Variants in CDH18 observed in about 807,000 individuals in gnomAD.
The protein encoded by CDH18 is cadherin-18.
In CDH18, 31 loss-of-function variants were observed where a neutral mutation model predicts 67.9. The ratio of observed to expected loss-of-function variants is 0.46; its 90% CI spans 0.34 to 0.62. The LOEUF is 0.62. Among genes scored for constraint, CDH18 ranks in the 20% least tolerant of loss-of-function variants. CDH18 has a pLI of 0.01. For missense variants in CDH18, 890 were observed against 975.5 expected (o/e 0.91, Z 1.17); for synonymous variants, 362 against 347.2 (o/e 1.04, Z -0.48).
chr5:19,576,382 C>A (rs1331076301), intron 7 of CDH18, among the ~76,000 whole-genome samples: 1 of 146,568 alleles, frequency 6.8e-6, no homozygotes, highest in African/African-American at 2.6e-5. Context: ...TGAAGGAACT[C>A]AAACTACTCA....
intron 2 of CDH18, among the ~76,000 whole-genome samples, chr5:19,865,977 G>A (rs1422556993): frequency 2.0e-5 from 3 of 152,112 alleles, no homozygotes; most frequent in African/African-American, 4.8e-5. Flanking sequence ...TATCTAACAC[G>A]ATGCCTCCAC....
At chr5:19,673,594 C>A (rs1313431316) in intron 5 of CDH18, among the ~76,000 whole-genome samples, 1 of 152,010 alleles carries the variant, frequency 6.6e-6, no homozygotes, top group East Asian at 1.9e-4. Flanking sequence ...CCAACTATCT[C>A]TATAAAATGT....
At chr5:20,353,266 G>C (rs776931546) in intron 1 of CDH18, among the ~76,000 whole-genome samples, 4 of 152,118 alleles carry the variant, frequency 2.6e-5, no homozygotes, top group Non-Finnish European at 4.4e-5. Context: ...AAGTGTGTGT[G>C]TGTTCAATAT....
chr5:20,015,351 C>A (rs1737790340), intron 2 of CDH18, among the ~76,000 whole-genome samples: 1 of 152,042 alleles, frequency 6.6e-6, no homozygotes, highest in Admixed American at 6.6e-5. Context: ...CATGGTCCAC[C>A]TATCAGAAAA....
chr5:19,509,190 A>G (rs1744724445), intron 10 of CDH18, among the ~76,000 whole-genome samples: 1 of 152,048 alleles, frequency 6.6e-6, no homozygotes, highest in South Asian at 2.1e-4. Flanking sequence ...TAACTCAGAA[A>G]TAGAAAACCA....
At chr5:19,817,380 G>A (rs76215755) in intron 3 of CDH18, among the ~76,000 whole-genome samples, 5,501 of 151,946 alleles carry the variant, frequency 0.036, 336 homozygotes, top group African/African-American at 0.13. Context: ...CTCTCCTACA[G>A]ATATACCAAT....
intron 1 of CDH18, among the ~76,000 whole-genome samples, chr5:20,322,540 A>G (rs1738138474): frequency 6.6e-6 from 1 of 152,102 alleles, no homozygotes; most frequent in African/African-American, 2.4e-5. Flanking sequence ...ACATGTTAAC[A>G]ACATCATTGT....
At chr5:19,949,887 C>T (rs113948285) in intron 2 of CDH18, among the ~76,000 whole-genome samples, 4 of 151,816 alleles carry the variant, frequency 2.6e-5, no homozygotes, top group African/African-American at 7.2e-5. Context: ...CACTTGCATG[C>T]GTGTGTTTAA....
At chr5:20,452,856 A>T (rs1750559197) in intron 1 of CDH18, among the ~76,000 whole-genome samples, 1 of 152,200 alleles carries the variant, frequency 6.6e-6, no homozygotes, top group South Asian at 2.1e-4. Flanking sequence ...GACAATGTAT[A>T]TGTAAAAAGC....
At chr5:20,514,062 T>C (rs1335483012) in intron 1 of CDH18, among the ~76,000 whole-genome samples, 2 of 152,228 alleles carry the variant, frequency 1.3e-5, no homozygotes, top group South Asian at 2.1e-4. Context: ...TTCCACACTG[T>C]AAGGTAGGTA....
intron 2 of CDH18, among the ~76,000 whole-genome samples, chr5:20,068,267 G>A (rs182095979): frequency 6.6e-6 from 1 of 152,018 alleles, no homozygotes; most frequent in East Asian, 1.9e-4. Context: ...GTACAATATC[G>A]CACAGATATT....
chr5:19,492,526 C>A (rs1452810654), intron 11 of CDH18, among the ~76,000 whole-genome samples: 1 of 151,968 alleles, frequency 6.6e-6, no homozygotes, highest in African/African-American at 2.4e-5. Context: ...AAGTTGACAT[C>A]ACAACTTAAA....
chr5:19,890,421 T>C (rs966351849), intron 2 of CDH18, among the ~76,000 whole-genome samples: 1 of 152,068 alleles, frequency 6.6e-6, no homozygotes, highest in African/African-American at 2.4e-5. Flanking sequence ...GTGGAAATCT[T>C]TGGGGGACTA....
intron 1 of CDH18, among the ~76,000 whole-genome samples, chr5:20,387,251 GGTTTGTA>G (rs1744386416): frequency 6.6e-6 from 1 of 152,116 alleles, no homozygotes; most frequent in African/African-American, 2.4e-5. Context: ...ATTGAGCAGT[GGTTTGTA>G]GTTCTCCTTG....
At chr5:20,379,167 T>C (rs1743703254) in intron 1 of CDH18, among the ~76,000 whole-genome samples, 1 of 152,176 alleles carries the variant, frequency 6.6e-6, no homozygotes, top group Non-Finnish European at 1.5e-5. Context: ...AGAGAAACCA[T>C]AAAATATAAA....
chr5:19,972,213 C>A (rs554310591), intron 2 of CDH18, among the ~76,000 whole-genome samples: 87 of 151,910 alleles, frequency 5.7e-4, no homozygotes, highest in Non-Finnish European at 1.1e-3. Context: ...TATATATTAT[C>A]CTCACAAGTT....
rs191409697 is a variant in CDH18 at position 19,730,809 on chromosome 5, T to C, written c.524-9343A>G. Among the ~76,000 whole-genome samples, 429 of 147,546 alleles carry C rather than the reference T, an allele frequency of 2.9e-3. 1 individual carries two copies. Among genetic ancestry groups the C allele is most frequent in the African/African-American group, 0.01 (411 of 40,538 alleles). On this transcript the variant is annotated intron_variant, in intron 4 of 12. Coordinates refer to ENST00000382275, the MANE Select transcript of CDH18 (RefSeq NM_004934.5). Reference sequence around the variant, plus strand: ...TGCAATTAATGCAGTGAAAAAGTAATGCATTTGTAGTAGCTAAGTAGAAGA... The same window carrying C: ...TGCAATTAATGCAGTGAAAAAGTAACGCATTTGTAGTAGCTAAGTAGAAGA...
chr5:20,453,292 G>A lies in CDH18; in HGVS notation c.-580+122170C>T, dbSNP rs530425146. On this transcript the variant is annotated intron_variant, in intron 1 of 14. Transcript: ENST00000507958. The stretch of plus-strand genomic sequence containing the variant: ...TTAAGCTGCCCCGTCACTTTTATCT[G>A]ACTGTGTTTTAAACTGATGTAATAT... 3.4e-4 allele frequency among the ~76,000 whole-genome samples: 51 copies of A among 152,226 alleles called. 1 individual carries two copies. In the South Asian group the frequency reaches 0.011, roughly 32 times the overall value.
intron 1 of CDH18, among the ~76,000 whole-genome samples, chr5:20,335,511 T>G (rs1293666539): frequency 6.6e-6 from 1 of 152,140 alleles, no homozygotes; most frequent in Non-Finnish European, 1.5e-5. Flanking sequence ...CCAAAACTTT[T>G]CTTTAAGGTC....
Sources: allele counts gnomAD v4.1 joint callset (sites outside exome capture counted in the v4.1 genomes callset), GRCh38; gene constraint gnomAD v4.1.1; transcripts MANE v1.5; gene names NCBI Gene and HGNC (gene_info 2026-07-23, HGNC 2026-07-21).